The following AGBL1 variants were observed in gnomAD, a reference collection of about 807,000 sequenced individuals.
AGBL1 encodes the protein cytosolic carboxypeptidase 4.
Under a neutral mutation model 118.9 loss-of-function variants are expected in AGBL1, and 130 were observed. That is an observed-to-expected ratio of 1.09 (90% CI 0.95 to 1.26). AGBL1 has a LOEUF of 1.26. Ranked by LOEUF, AGBL1 falls within the 50% of genes most tolerant of loss-of-function variation. The pLI is 0.00. For missense variants in AGBL1, 1,584 were observed against 1,298.1 expected (o/e 1.22, Z -3.38); for synonymous variants, 555 against 478.9 (o/e 1.16, Z -2.08).
chr15:86,766,499 G>A (rs114756734), intron 22 of AGBL1, among the ~76,000 whole-genome samples: 6,583 of 151,722 alleles, frequency 0.043, 165 homozygotes, highest in Middle Eastern at 0.068. Context: ...TCCATTCAAC[G>A]TTTTTATTTC....
At chr15:86,206,172 C>T (rs1284041406) in intron 5 of AGBL1, among the ~76,000 whole-genome samples, 2 of 152,156 alleles carry the variant, frequency 1.3e-5, no homozygotes, top group African/African-American at 2.4e-5. Flanking sequence ...CATAGTATTC[C>T]ATAGTGTATA....
At chr15:86,746,117 G>A (rs535208476) in intron 22 of AGBL1, among the ~76,000 whole-genome samples, 1 of 152,072 alleles carries the variant, frequency 6.6e-6, no homozygotes, top group South Asian at 2.1e-4. Flanking sequence ...TCCCTTCCCT[G>A]AAGTCTGTTC....
At chr15:86,680,945 C>G (rs933316190) in intron 22 of AGBL1, among the ~76,000 whole-genome samples, 46 of 152,222 alleles carry the variant, frequency 3.0e-4, no homozygotes, top group African/African-American at 1.1e-3. Context: ...TCTACTACAT[C>G]AAAAATATTT....
chr15:86,663,034 T>A (rs2085573444), intron 21 of AGBL1, among the ~76,000 whole-genome samples: 1 of 152,168 alleles, frequency 6.6e-6, no homozygotes. Flanking sequence ...TAAGTAAAGA[T>A]TAGGATTGAT....
chr15:86,609,544 G>A (rs1340445278), intron 21 of AGBL1, among the ~76,000 whole-genome samples: 2 of 152,016 alleles, frequency 1.3e-5, no homozygotes, highest in African/African-American at 4.8e-5. Context: ...CCTATTCTTG[G>A]GTTTAATACC....
intron 18 of AGBL1, among the ~76,000 whole-genome samples, chr15:86,480,712 AAGGAAG>A: frequency 6.6e-6 from 1 of 152,120 alleles, no homozygotes; most frequent in South Asian, 2.1e-4. Context: ...CTCAAGCAGA[AAGGAAG>A]ATAAGATCAT....
intron 22 of AGBL1, among the ~76,000 whole-genome samples, chr15:86,860,614 C>A (rs1458079390): frequency 6.6e-6 from 1 of 152,022 alleles, no homozygotes; most frequent in Non-Finnish European, 1.5e-5. Flanking sequence ...TGCTTTGGTG[C>A]CTTGTCCCGC....
intron 18 of AGBL1, among the ~76,000 whole-genome samples, chr15:86,477,993 C>A (rs1012299865): frequency 3.9e-5 from 6 of 152,172 alleles, no homozygotes; most frequent in African/African-American, 1.4e-4. Flanking sequence ...ACATGATTAT[C>A]TCAATAGATG....
intron 6 of AGBL1, among the ~76,000 whole-genome samples, chr15:86,245,910 T>G (rs191275776): frequency 0.011 from 1,631 of 152,288 alleles, 20 homozygotes; most frequent in South Asian, 0.051. Context: ...TTTCTTTGTT[T>G]TTTTTTCTTT....
At chr15:86,197,895 T>TC (rs2077840751) in intron 5 of AGBL1, among the ~76,000 whole-genome samples, 1 of 150,220 alleles carries the variant, frequency 6.7e-6, no homozygotes, top group Non-Finnish European at 1.5e-5. Context: ...GAGCTATTCT[T>TC]TAAAAAAAAA....
chr15:86,371,816 C>T (rs1300629073), intron 17 of AGBL1, among the ~76,000 whole-genome samples: 1 of 152,122 alleles, frequency 6.6e-6, no homozygotes, highest in African/African-American at 2.4e-5. Flanking sequence ...TCTTTCCACC[C>T]TTTGTAATGT....
Position 86,118,437 on chromosome 15 carries a change from C to T in AGBL1, c.52-23567C>T, listed in dbSNP as rs73460875. 6.5e-3 allele frequency among the ~76,000 whole-genome samples: 979 copies of T among 151,404 alleles called. 9 individuals carry two copies. The highest frequency in any genetic ancestry group is 0.023 in the African/African-American group (943 of 41,144). On this transcript the variant is annotated intron_variant, in intron 1 of 22. Coordinates refer to ENST00000614907, the MANE Select transcript of AGBL1 (RefSeq NM_001386094.1). Reference sequence around the variant, plus strand: ...CACCACGTACACTGTTGGCCCTCTGCGAATCAGCACCAATGACAACATTAT... The same window carrying T: ...CACCACGTACACTGTTGGCCCTCTGTGAATCAGCACCAATGACAACATTAT...
At chr15:86,824,277 A>AT (rs1303775619) in intron 22 of AGBL1, among the ~76,000 whole-genome samples, 1 of 152,208 alleles carries the variant, frequency 6.6e-6, no homozygotes, top group African/African-American at 2.4e-5. Flanking sequence ...AAAACCAATC[A>AT]TTTTTCTATA....
intron 6 of AGBL1, among the ~76,000 whole-genome samples, chr15:86,230,347 C>T (rs1200862292): frequency 1.3e-5 from 2 of 152,182 alleles, no homozygotes; most frequent in Admixed American, 6.5e-5. Context: ...TTGATATGCA[C>T]CCAAATCAGG....
intron 22 of AGBL1, among the ~76,000 whole-genome samples, chr15:86,700,156 A>T (rs1240720008): frequency 6.6e-6 from 1 of 151,890 alleles, no homozygotes; most frequent in Non-Finnish European, 1.5e-5. Context: ...ATCTCTGTGG[A>T]TTCAAGGATT....
chr15:86,262,077 G>GTTTTT (rs1491268138), intron 9 of AGBL1, among the ~76,000 whole-genome samples: 9 of 3,488 alleles, frequency 2.6e-3, no homozygotes, highest in South Asian at 0.022. Context: ...TGCATAGCTG[G>GTTTTT]CTTTTTTTTT....
At chr15:86,568,504 A>G (rs1239307747) in intron 21 of AGBL1, among the ~76,000 whole-genome samples, 1 of 152,134 alleles carries the variant, frequency 6.6e-6, no homozygotes, top group Non-Finnish European at 1.5e-5. Flanking sequence ...ATCCCTGACT[A>G]TTTCTGCCTA....
At chr15:86,575,974 G>T (rs909463763) in intron 21 of AGBL1, among the ~76,000 whole-genome samples, 2 of 152,162 alleles carry the variant, frequency 1.3e-5, no homozygotes, top group African/African-American at 2.4e-5. Context: ...GAAAGTCATT[G>T]CTTGTTAGTG....
intron 21 of AGBL1, among the ~76,000 whole-genome samples, chr15:86,659,620 G>A (rs2249865): frequency 0.89 from 135,276 of 152,230 alleles, 60,284 homozygotes; most frequent in East Asian, 1. Context: ...TTTGTCAACC[G>A]TAAGATCTAA....
Sources: gnomAD v4.1 joint callset for allele counts (sites outside exome capture counted in the v4.1 genomes callset) on GRCh38, gnomAD v4.1.1 for gene constraint, MANE v1.5 for transcripts, NCBI Gene and HGNC (gene_info 2026-07-23, HGNC 2026-07-21) for gene names.